RNF150: variants seen among roughly 807,000 people sequenced by gnomAD.
The protein encoded by RNF150 is ring finger protein 150.
In RNF150, 24 loss-of-function variants were observed where a neutral mutation model predicts 39.3. The ratio of observed to expected loss-of-function variants is 0.61; its 90% CI spans 0.44 to 0.86. RNF150 has a LOEUF of 0.86. RNF150 is among the 40% of genes least tolerant of loss of function. The probability of loss-of-function intolerance (pLI) is 0.00; values close to 1 mark genes in which losing one functional copy is unlikely to be tolerated. For synonymous variants in RNF150, 255 were observed against 227.3 expected (o/e 1.12, Z -1.10); for missense variants, 502 against 587.8 (o/e 0.85, Z 1.51).
intron 1 of RNF150, among the ~76,000 whole-genome samples, chr4:141,123,501 T>C (rs1726666961): frequency 6.6e-6 from 1 of 152,258 alleles, no homozygotes; most frequent in Non-Finnish European, 1.5e-5. Flanking sequence ...TAGAACCTCA[T>C]TGTGCAACCC....
chr4:141,205,739 C>G (rs1728364007), intron 1 of RNF150, among the ~76,000 whole-genome samples: 5 of 152,136 alleles, frequency 3.3e-5, no homozygotes, highest in Admixed American at 2.6e-4. Context: ...TAGTTTCTAG[C>G]TTCTAAGGGG....
intron 1 of RNF150, among the ~76,000 whole-genome samples, chr4:141,116,340 A>G (rs534450200): frequency 1.3e-5 from 2 of 152,360 alleles, no homozygotes; most frequent in South Asian, 4.1e-4. Context: ...AAGGATATGA[A>G]CAGACACTTC....
At chr4:140,906,616 G>A (rs1730386042) in intron 6 of RNF150, among the ~76,000 whole-genome samples, 1 of 152,180 alleles carries the variant, frequency 6.6e-6, no homozygotes, top group Non-Finnish European at 1.5e-5. Flanking sequence ...AATTTTCCCA[G>A]AGGAAATCCA....
chr4:140,998,138 C>G (rs1269973771), intron 1 of RNF150, among the ~76,000 whole-genome samples: 1 of 152,176 alleles, frequency 6.6e-6, no homozygotes, highest in Non-Finnish European at 1.5e-5. Context: ...AATACAGCTG[C>G]CCAGCATAGA....
chr4:140,919,340 T>G (rs1189135136), intron 5 of RNF150, among the ~76,000 whole-genome samples: 2 of 140,116 alleles, frequency 1.4e-5, no homozygotes, highest in Non-Finnish European at 3.1e-5. Context: ...CAGCGAAGAC[T>G]CAAGATACAA....
At chr4:140,884,009 C>T (rs1729473486) in intron 6 of RNF150, among the ~76,000 whole-genome samples, 1 of 151,614 alleles carries the variant, frequency 6.6e-6, no homozygotes, top group African/African-American at 2.4e-5. Flanking sequence ...TTGATAATTT[C>T]AAGTGACTTT....
chr4:141,031,392 A>T (rs1735938504), intron 1 of RNF150, among the ~76,000 whole-genome samples: 1 of 152,126 alleles, frequency 6.6e-6, no homozygotes, highest in Non-Finnish European at 1.5e-5. Flanking sequence ...ACAAAAGCAA[A>T]AATAGACAAA....
intron 4 of RNF150, among the ~76,000 whole-genome samples, chr4:140,929,358 GTTTTTT>G (rs532514901): frequency 1.9e-5 from 1 of 51,570 alleles, no homozygotes; most frequent in African/African-American, 7.9e-5. Context: ...TGGATGCTAA[GTTTTTT>G]TTTTTTTTTT....
chr4:140,957,888 T>G (rs1732838050), intron 2 of RNF150, among the ~76,000 whole-genome samples: 1 of 120,976 alleles, frequency 8.3e-6, no homozygotes, highest in Non-Finnish European at 1.7e-5. Context: ...CGTCACACTC[T>G]GGGGACTGTT....
At chr4:141,194,955 T>C (rs905956808) in intron 1 of RNF150, among the ~76,000 whole-genome samples, 7 of 152,058 alleles carry the variant, frequency 4.6e-5, no homozygotes, top group African/African-American at 1.7e-4. Flanking sequence ...ATGTAAAAGT[T>C]TACAGCACTG....
At chr4:141,177,820 T>A (rs1727838931) in intron 1 of RNF150, among the ~76,000 whole-genome samples, 1 of 152,204 alleles carries the variant, frequency 6.6e-6, no homozygotes, top group Non-Finnish European at 1.5e-5. Context: ...ATAACTCCTT[T>A]AGAGAAAAGG....
intron 1 of RNF150, among the ~76,000 whole-genome samples, chr4:141,187,407 G>A (rs991779721): frequency 3.9e-5 from 6 of 152,168 alleles, no homozygotes; most frequent in African/African-American, 1.4e-4. Flanking sequence ...GAATATCCTT[G>A]TGAATTTTCA....
rs1447289732 is a variant in RNF150, at chr4:141,131,329, G to C, written c.484+996C>G. Reference sequence around the variant, plus strand: ...TCCGGGCACTGGATGCCACAGTCTCGGCCCAGAAACCCCTTTGGGGAAGGA... The same window carrying C: ...TCCGGGCACTGGATGCCACAGTCTCCGCCCAGAAACCCCTTTGGGGAAGGA... On this transcript the variant is annotated intron_variant, in intron 1 of 6. Transcript: ENST00000515673. Among the ~76,000 whole-genome samples, 3 of 152,186 alleles carry C rather than the reference G, an allele frequency of 2.0e-5. No homozygotes were observed. The East Asian group carries it at 5.8e-4, about 29-fold the overall frequency.
At chr4:141,053,191 C>T (rs559235704) in intron 1 of RNF150, among the ~76,000 whole-genome samples, 5 of 152,264 alleles carry the variant, frequency 3.3e-5, no homozygotes, top group Admixed American at 1.3e-4. Flanking sequence ...ACTATCAAAG[C>T]TTCTAAATCA....
intron 6 of RNF150, among the ~76,000 whole-genome samples, chr4:140,900,863 C>A (rs1187491746): frequency 6.6e-6 from 1 of 151,866 alleles, no homozygotes; most frequent in Non-Finnish European, 1.5e-5. Flanking sequence ...GCCTTCACAA[C>A]AAACCTATGA....
At chr4:140,922,213 G>GA (rs1194906813) in intron 5 of RNF150, among the ~76,000 whole-genome samples, 1 of 150,914 alleles carries the variant, frequency 6.6e-6, no homozygotes, top group Non-Finnish European at 1.5e-5. Flanking sequence ...TGTATATCTA[G>GA]AAAACCCCAT....
intron 1 of RNF150, among the ~76,000 whole-genome samples, chr4:141,126,901 G>A (rs984249497): frequency 3.8e-4 from 58 of 152,136 alleles, no homozygotes; most frequent in African/African-American, 1.4e-3. Context: ...AGGGAGGTCT[G>A]GAAGAGAAAA....
chr4:140,994,076 C>T (rs915769069), intron 1 of RNF150, among the ~76,000 whole-genome samples: 7 of 152,146 alleles, frequency 4.6e-5, no homozygotes, highest in African/African-American at 1.7e-4. Context: ...AACTTAACTC[C>T]CTCTAGACCT....
chr4:141,132,515 G>T lies in RNF150; in HGVS notation c.294C>A (p.Asp98Glu). 6.2e-7 allele frequency: 1 copy of T among 1,603,492 alleles called. No individual in the cohort carries two copies. The highest frequency in any genetic ancestry group is 8.5e-7 in the Non-Finnish European group (1 of 1,176,050). The change falls in exon 1 of 7, where the codon GAC becomes GAA. Residue 98 changes from aspartate to glutamate, a missense_variant. Coordinates refer to ENST00000515673, the MANE Select transcript of RNF150 (RefSeq NM_020724.2). This position sits in a 1 kb window ranked among gnomAD's most constrained non-coding sequence, Gnocchi z 4.9. ...TGGTGTTGGGGTCGCAGGCCAGGCG[G>T]TCGTGGGCCGAGCTGGCCATGACCA... Reference protein sequence around the residue: ...GEVVMASSAHDRLACDPNTKF... With the variant: ...GEVVMASSAHERLACDPNTKF...
Sources: gnomAD v4.1 joint callset for allele counts (sites outside exome capture counted in the v4.1 genomes callset) on GRCh38, gnomAD v4.1.1 for gene constraint, Gnocchi (gnomAD v3.1) non-coding constraint, MANE v1.5 for transcripts, NCBI Gene and HGNC (gene_info 2026-07-23, HGNC 2026-07-21) for gene names.